Variants in PPIL4 observed in about 807,000 individuals in gnomAD.
PPIL4 encodes the protein peptidylprolyl isomerase like 4.
A neutral mutation model predicts 69.1 loss-of-function variants in PPIL4; 50 were observed. That is an observed-to-expected ratio of 0.72 (90% CI 0.58 to 0.92). PPIL4 has a LOEUF of 0.92. Among genes scored for constraint, PPIL4 ranks in the 40% least tolerant of loss-of-function variants. PPIL4 has a pLI of 0.00. For missense variants in PPIL4, 480 were observed against 587.9 expected (o/e 0.82, Z 1.90); for synonymous variants, 193 against 191.6 (o/e 1.01, Z -0.06).
intron 9 of PPIL4, among the ~76,000 whole-genome samples, chr6:149,521,824 A>G (rs1351499184): frequency 2.6e-5 from 4 of 152,208 alleles, no homozygotes; most frequent in African/African-American, 9.6e-5. Context: ...ATGAACTGTG[A>G]GACTGTAATA....
chr6:149,520,570 T>C (rs1434278313), intron 10 of PPIL4, among the ~76,000 whole-genome samples: 1 of 137,458 alleles, frequency 7.3e-6, no homozygotes, highest in Non-Finnish European at 1.5e-5. Flanking sequence ...GGTGCACACA[T>C]GCATGTGTGT....
intron 7 of PPIL4, among the ~76,000 whole-genome samples, chr6:149,528,567 A>G (rs927664565): frequency 1.3e-5 from 2 of 152,244 alleles, no homozygotes; most frequent in African/African-American, 4.8e-5. Context: ...AATAAAATCA[A>G]AAGGACACAG....
chr6:149,510,477 C>T lies in PPIL4; in HGVS notation c.1227+1678G>A, dbSNP rs554231604. 7.9e-5 allele frequency among the ~76,000 whole-genome samples: 12 copies of T among 152,296 alleles called. No homozygotes were observed. In the South Asian group the frequency reaches 1.9e-3, roughly 24 times the overall value. ...AATGAAACAGGGCCGGGCGCGGTGG[C>T]TCACGCCTATAATCCCAGCACTTTG... On this transcript the variant is annotated intron_variant, in intron 12 of 12. Transcript: ENST00000253329.
At chr6:149,505,924 T>A (rs1474624997) in intron 12 of PPIL4, among the ~76,000 whole-genome samples, 1 of 152,202 alleles carries the variant, frequency 6.6e-6, no homozygotes, top group East Asian at 1.9e-4. Context: ...CTATTTTGGC[T>A]GAAACGAAGG....
At position 149,521,107 on chromosome 6, in the gene PPIL4, T is replaced by C. The variant is rs762505126; in HGVS notation, c.935A>G (p.His312Arg). Residue 312 changes from histidine to arginine, a missense_variant, in exon 10 of 13, where the codon CAT (histidine) becomes CGT (arginine). His to Arg is a conservative substitution (Grantham distance 29). Transcript: ENST00000253329. Reference protein sequence around the residue: ...DNVLIDDRRIHVDFSQSVAKV... With the variant: ...DNVLIDDRRIRVDFSQSVAKV... ...TGCAACCGACTGGCTAAAATCCACATGTATTCTTCTGTCATCTATAAGCAC... is the reference window on the plus strand; with the variant it reads ...TGCAACCGACTGGCTAAAATCCACACGTATTCTTCTGTCATCTATAAGCAC... 4 of 1,608,310 alleles carry C rather than the reference T, an allele frequency of 2.5e-6. No homozygotes were observed. Among genetic ancestry groups the C allele is most frequent in the South Asian group, 2.2e-5 (2 of 90,512 alleles).
chr6:149,525,236 TAA>T (rs747605524), intron 8 of PPIL4, 27 bp from the exon 9 acceptor site: 6,238 of 925,614 alleles, frequency 6.7e-3, no homozygotes, highest in South Asian at 0.011. Flanking sequence ...AAAAGTGACT[TAA>T]AAAAAAAAAA....
chr6:149,526,156 C>T (rs959240759), intron 8 of PPIL4, among the ~76,000 whole-genome samples: 8 of 151,814 alleles, frequency 5.3e-5, no homozygotes, highest in Non-Finnish European at 1.0e-4. Flanking sequence ...AAAGGAAACC[C>T]TAAATATAAT....
chr6:149,540,014 C>T (rs1030943089), intron 4 of PPIL4, among the ~76,000 whole-genome samples: 2 of 151,960 alleles, frequency 1.3e-5, no homozygotes, highest in East Asian at 1.9e-4. Context: ...TCTGTAATCC[C>T]GCTACTCGGG....
chr6:149,535,969 C>T (rs1777269089), intron 4 of PPIL4, among the ~76,000 whole-genome samples: 1 of 152,196 alleles, frequency 6.6e-6, no homozygotes, highest in Non-Finnish European at 1.5e-5. Context: ...TTTCTGGCAA[C>T]CGTGTATTGA....
Position 149,505,324 on chromosome 6 carries a change from C to T in PPIL4, c.*129G>A, listed in dbSNP as rs542021908. The T allele has an allele frequency of 1.2e-6, 1 of 814,666 alleles. No homozygotes were observed. Among genetic ancestry groups the T allele is most frequent in the African/African-American group, 1.7e-5 (1 of 58,338 alleles). The allele number at this position is 814,666 out of a possible 1,614,324, so 50.5% of individuals were successfully genotyped here. A position where few individuals can be genotyped will look rare whatever the true frequency, so the allele number is the denominator to read the frequency against. ...CGTGCTCTATATAATCAGTATTAATCTAAAGACCATAATCCTAGTATGAAA... is the reference window on the plus strand; with the variant it reads ...CGTGCTCTATATAATCAGTATTAATTTAAAGACCATAATCCTAGTATGAAA... On this transcript the variant is annotated 3_prime_UTR_variant, in exon 13 of 13. Transcript: ENST00000253329.
intron 1 of PPIL4, among the ~76,000 whole-genome samples, chr6:149,542,122 T>C (rs1222164833): frequency 1.3e-5 from 2 of 152,106 alleles, no homozygotes; most frequent in Non-Finnish European, 2.9e-5. Context: ...TCTGGGCTAA[T>C]ACAGAAAACT....
At chr6:149,515,260 T>C (rs971492734) in intron 11 of PPIL4, among the ~76,000 whole-genome samples, 11 of 151,286 alleles carry the variant, frequency 7.3e-5, no homozygotes, top group African/African-American at 2.7e-4. Context: ...CTGCTGGGAT[T>C]ACAGGCATGA....
At chr6:149,509,334 C>CA (rs923395214) in intron 12 of PPIL4, among the ~76,000 whole-genome samples, 27 of 151,838 alleles carry the variant, frequency 1.8e-4, no homozygotes, top group Admixed American at 3.9e-4. Flanking sequence ...AAGACTCACA[C>CA]AAAAAAAACA....
At chr6:149,522,524 A>G (rs986957515) in intron 9 of PPIL4, among the ~76,000 whole-genome samples, 3 of 152,372 alleles carry the variant, frequency 2.0e-5, no homozygotes, top group Non-Finnish European at 4.4e-5. Context: ...ATTTATAACA[A>G]AAGTGGTACT....
At chr6:149,531,055 T>C (rs974160753) in intron 7 of PPIL4, among the ~76,000 whole-genome samples, 3 of 152,034 alleles carry the variant, frequency 2.0e-5, no homozygotes, top group Non-Finnish European at 2.9e-5. Flanking sequence ...AAAGAGTAGA[T>C]AAACCTAAAT....
chr6:149,517,409 C>T lies in PPIL4; in HGVS notation c.1024G>A (p.Glu342Lys). 1 of 1,606,300 alleles carries T rather than the reference C, an allele frequency of 6.2e-7. No homozygotes were observed. The highest frequency in any genetic ancestry group is 1.1e-5 in the South Asian group (1 of 90,646). Reference protein sequence around the residue: ...TKSDFKEYEKEQDKPPNLVLK... With the variant: ...TKSDFKEYEKKQDKPPNLVLK... ...ACCAAATTAGGTGGTTTATCCTGTTCTTTTTCATACTCCTTGAAATCACTC... is the reference window on the plus strand; with the variant it reads ...ACCAAATTAGGTGGTTTATCCTGTTTTTTTTCATACTCCTTGAAATCACTC... The change falls in exon 11 of 13, where the codon GAA (glutamate) becomes AAA (lysine). Residue 342 changes from glutamate to lysine, a missense_variant. Coordinates refer to ENST00000253329, the MANE Select transcript of PPIL4 (RefSeq NM_139126.4).
intron 6 of PPIL4, 91 bp downstream of exon 6, chr6:149,534,587 C>T (rs1228355995): frequency 3.0e-5 from 20 of 675,964 alleles, no homozygotes; most frequent in Middle Eastern, 4.1e-4. Flanking sequence ...GATAATAATT[C>T]GGAAAAAATT....
At position 149,521,180 on chromosome 6, in the gene PPIL4, A is replaced by G. The variant is rs1345849484; in HGVS notation, c.871-9T>C. ...TTCTCACAATCTTCTTCCTGATAATAATTATAAAAACTCAAGCATAAATCT... is the reference window on the plus strand; with the variant it reads ...TTCTCACAATCTTCTTCCTGATAATGATTATAAAAACTCAAGCATAAATCT... On this transcript the variant is annotated splice_polypyrimidine_tract_variant and intron_variant, in intron 9 of 12. Coordinates refer to ENST00000253329, the MANE Select transcript of PPIL4 (RefSeq NM_139126.4). 1.4e-6 allele frequency: 2 copies of G among 1,432,378 alleles called. No homozygotes were observed. The highest frequency in any genetic ancestry group is 2.4e-5 in the South Asian group (2 of 83,190). The allele number at this position is 1,432,378 out of a possible 1,614,324, so 88.7% of individuals were successfully genotyped here.
chr6:149,524,858 G>A lies in PPIL4; in HGVS notation c.870+285C>T, dbSNP rs569851947. Among the ~76,000 whole-genome samples the A allele has an allele frequency of 2.2e-4, 34 of 151,686 alleles. No homozygotes were observed. In the South Asian group the frequency reaches 5.8e-3, roughly 26 times the overall value. On this transcript the variant is annotated intron_variant, in intron 9 of 12. Transcript: ENST00000253329. ...GGAGGCTGCAGTGAGTCGAGACTGC[G>A]CCACTGCACTCCAGCCTGGGCAACA...
Sources: allele counts gnomAD v4.1 joint callset (sites outside exome capture counted in the v4.1 genomes callset), GRCh38; gene constraint gnomAD v4.1.1; transcripts MANE v1.5; gene names NCBI Gene and HGNC (gene_info 2026-07-23, HGNC 2026-07-21).